The following MEPE variants were observed in gnomAD, a reference collection of about 807,000 sequenced individuals.
MEPE encodes matrix extracellular phosphoglycoprotein, also known as matrix, extracellular phosphoglycoprotein with ASARM motif (bone).
A neutral mutation model predicts 7.3 loss-of-function variants in MEPE; 7 were observed. The ratio of observed to expected loss-of-function variants is 0.95; its 90% CI spans 0.54 to 1.79. The LOEUF (loss-of-function observed/expected upper bound fraction) is 1.79. Among genes scored for constraint, MEPE ranks in the 40% most tolerant of loss-of-function variants. The pLI is 0.00. For synonymous variants in MEPE, 214 were observed against 213.1 expected (o/e 1.00, Z -0.04); for missense variants, 623 against 628.2 (o/e 0.99, Z 0.09).
chr4:87,839,737 T>G (rs1722941220), intron 3 of MEPE: 1 of 1,550,150 alleles, frequency 6.5e-7, no homozygotes, highest in African/African-American at 1.4e-5. Context: ...TTTAAGTGTG[T>G]TTACATGTCA....
Position 87,845,635 on chromosome 4 carries a change from G to A in MEPE, c.767G>A (p.Ser256Asn), listed in dbSNP as rs138232954. The stretch of plus-strand genomic sequence containing the variant: ...GGGGACAATGATATATCTCCTTTCA[G>A]TGGGGACGGCCAACCTTTTAAGGAC... ...ERGDNDISPFSGDGQPFKDIP... is the reference protein window; with the variant it reads ...ERGDNDISPFNGDGQPFKDIP... The change falls in exon 4 of 4, where the codon AGT (serine) becomes AAT (asparagine). Residue 256 changes from serine to asparagine, a missense_variant. Physicochemically the swap from Ser to Asn is conservative, Grantham distance 46 (BLOSUM62 1). Transcript: ENST00000361056. 89 of 1,613,806 alleles carry A rather than the reference G, an allele frequency of 5.5e-5. No homozygotes were observed. The highest frequency in any genetic ancestry group is 1.1e-4 in the East Asian group (5 of 44,898).
chr4:87,837,171 G>A (rs949389196), intron 2 of MEPE, among the ~76,000 whole-genome samples: 2 of 152,140 alleles, frequency 1.3e-5, no homozygotes, highest in African/African-American at 4.8e-5. Flanking sequence ...ACCAGGGGTG[G>A]TGAGACCACC....
At chr4:87,833,456 T>A (rs1722656192) in intron 1 of MEPE, among the ~76,000 whole-genome samples, 1 of 152,192 alleles carries the variant, frequency 6.6e-6, no homozygotes, top group Non-Finnish European at 1.5e-5. Context: ...ATAGTTAGAA[T>A]TTAGATCCTT....
chr4:87,838,886 G>C (rs1030059922), intron 3 of MEPE, among the ~76,000 whole-genome samples: 1 of 152,224 alleles, frequency 6.6e-6, no homozygotes, highest in Admixed American at 6.5e-5. Context: ...AAAACATTGT[G>C]AATAGAGATT....
chr4:87,829,239 G>A (rs1344039453), upstream of MEPE, among the ~76,000 whole-genome samples: 1 of 151,788 alleles, frequency 6.6e-6, no homozygotes, highest in African/African-American at 2.4e-5. Flanking sequence ...GTCAATTGTA[G>A]GTTCTAAATT....
chr4:87,839,833 T>A, intron 3 of MEPE: 2 of 1,543,674 alleles, frequency 1.3e-6, no homozygotes, highest in Admixed American at 3.9e-5. Context: ...GGACTAGCCC[T>A]AGAGGAAAAT....
At chr4:87,821,976 AC>A (rs957009534) in intron 1 of MEPE, among the ~76,000 whole-genome samples, 22 of 152,122 alleles carry the variant, frequency 1.4e-4, no homozygotes, top group African/African-American at 5.3e-4. Context: ...CAAATGGCCA[AC>A]ACAGCCCTTA....
chr4:87,845,875 A>G lies in MEPE; in HGVS notation c.1007A>G (p.Glu336Gly). 1 of 1,614,028 alleles carries G rather than the reference A, an allele frequency of 6.2e-7. No individual in the cohort carries two copies. The highest frequency in any genetic ancestry group is 1.1e-5 in the South Asian group (1 of 91,082). Residue 336 changes from glutamate to glycine, a missense_variant, in exon 4 of 4, where the codon GAG (glutamate) becomes GGG (glycine). By Grantham distance (98) the Glu-to-Gly change is moderately conservative. Coordinates refer to ENST00000361056, the MANE Select transcript of MEPE (RefSeq NM_020203.6). ...EADAVDVSLV[E>G]GSNDIMGSTN... ...GATGCTGTTGATGTCAGCCTTGTAG[A>G]GGGCAGCAACGATATCATGGGTAGT...
intron 3 of MEPE, among the ~76,000 whole-genome samples, 168 bp from the exon 4 acceptor site, chr4:87,844,809 G>A (rs1008834634): frequency 3.9e-5 from 6 of 152,034 alleles, no homozygotes; most frequent in Admixed American, 1.3e-4. Flanking sequence ...CTTTCTCCAT[G>A]AAACCTGATT....
rs181042000 is a variant in MEPE, at chr4:87,840,685, T to C, written c.108+2000T>C. On this transcript the variant is annotated intron_variant, in intron 3 of 3. Transcript: ENST00000361056. ...AAACAAGACAGAATGTGGGAGGTGC[T>C]ATGTGAGTAGTACCGAGAAGAAAAA... 2.0e-5 allele frequency among the ~76,000 whole-genome samples: 3 copies of C among 152,178 alleles called. No individual in the cohort carries two copies. In the East Asian group the frequency reaches 5.8e-4, roughly 29 times the overall value.
At chr4:87,840,778 A>G (rs1722982962) in intron 3 of MEPE, among the ~76,000 whole-genome samples, 2 of 152,108 alleles carry the variant, frequency 1.3e-5, no homozygotes, top group South Asian at 4.1e-4. Context: ...TCATAATGGA[A>G]ATAATTGTGT....
chr4:87,834,242 C>A (rs1324894864), intron 1 of MEPE, among the ~76,000 whole-genome samples: 1 of 152,198 alleles, frequency 6.6e-6, no homozygotes, highest in Non-Finnish European at 1.5e-5. Context: ...ACATGAGACA[C>A]AGATTAGGGC....
intron 3 of MEPE, chr4:87,840,117 C>A (rs72655787): frequency 0.026 from 38,953 of 1,508,682 alleles, 611 homozygotes; most frequent in Middle Eastern, 0.035. Context: ...AGAAAGTTTT[C>A]TTGACATATT....
intron 1 of MEPE, among the ~76,000 whole-genome samples, chr4:87,824,202 G>A (rs1488854167): frequency 6.6e-6 from 1 of 152,176 alleles, no homozygotes; most frequent in Non-Finnish European, 1.5e-5. Context: ...AGACCAGATA[G>A]AAAGTATTCT....
chr4:87,839,258 G>A (rs1326894337), intron 3 of MEPE, among the ~76,000 whole-genome samples: 1 of 152,084 alleles, frequency 6.6e-6, no homozygotes, highest in African/African-American at 2.4e-5. Flanking sequence ...AATTACAAAG[G>A]CCAACGTTGC....
chr4:87,825,751 G>A (rs1006839856), intron 1 of MEPE, among the ~76,000 whole-genome samples: 30 of 152,058 alleles, frequency 2.0e-4, no homozygotes, highest in African/African-American at 7.0e-4. Context: ...GTTTGTTAAC[G>A]CAGGTAAATG....
intron 3 of MEPE, among the ~76,000 whole-genome samples, chr4:87,841,883 C>T (rs60478036): frequency 1.3e-5 from 2 of 152,206 alleles, no homozygotes; most frequent in South Asian, 2.1e-4. Context: ...CTGGGAAAAC[C>T]GTTGTGTATC....
At position 87,845,562 on chromosome 4, in the gene MEPE, A is replaced by G; in HGVS notation, c.694A>G (p.Ile232Val). Residue 232 changes from isoleucine to valine, a missense_variant, in exon 4 of 4, where the codon ATC becomes GTC. Physicochemically the swap from Ile to Val is conservative, Grantham distance 29. Transcript: ENST00000361056. ...AAAACATCTCTCAAAAGTCAAAAAA[A>G]TCCCCAGTGATTTTGAAGGCAGCGG... Reference protein sequence around the residue: ...YLKHLSKVKKIPSDFEGSGYT... With the variant: ...YLKHLSKVKKVPSDFEGSGYT... 1 of 1,612,078 alleles carries G rather than the reference A, an allele frequency of 6.2e-7. No individual in the cohort carries two copies. The highest frequency in any genetic ancestry group is 8.5e-7 in the Non-Finnish European group (1 of 1,179,518).
At chr4:87,830,893 T>G (rs4693882), upstream of MEPE, among the ~76,000 whole-genome samples, 144,166 of 151,876 alleles carry the variant, frequency 0.95, 68,504 homozygotes, top group Middle Eastern at 0.98. Flanking sequence ...ACTTATGAAA[T>G]ACTGTTTTGT....
Sources: allele counts gnomAD v4.1 joint callset (sites outside exome capture counted in the v4.1 genomes callset), GRCh38; gene constraint gnomAD v4.1.1; transcripts MANE v1.5; gene names NCBI Gene and HGNC (gene_info 2026-07-23, HGNC 2026-07-21).